Variants in TLE1 observed in about 807,000 individuals in gnomAD.
TLE1 encodes TLE family member 1, transcriptional corepressor.
In TLE1, 21 loss-of-function variants were observed where a neutral mutation model predicts 89.8. That is an observed-to-expected ratio of 0.23 (90% CI 0.17 to 0.34). The LOEUF is 0.34. TLE1 is among the 10% of genes least tolerant of loss of function. The pLI is 1.00. For missense variants in TLE1, 795 were observed against 1,031.2 expected (o/e 0.77, Z 3.14); for synonymous variants, 447 against 407.6 (o/e 1.10, Z -1.16).
intron 14 of TLE1, among the ~76,000 whole-genome samples, chr9:81,599,350 G>A (rs1830616173): frequency 6.6e-6 from 1 of 152,026 alleles, no homozygotes; most frequent in African/African-American, 2.4e-5. Flanking sequence ...TACCTGTGAC[G>A]TTATCCCCTC....
At chr9:81,614,331 A>T (rs980810779) in intron 11 of TLE1, among the ~76,000 whole-genome samples, 1 of 152,206 alleles carries the variant, frequency 6.6e-6, no homozygotes, top group African/African-American at 2.4e-5. Context: ...ATGCCTAAAA[A>T]GAACAACACT....
At chr9:81,630,797 T>C (rs1425217222) in intron 8 of TLE1, among the ~76,000 whole-genome samples, 1 of 152,220 alleles carries the variant, frequency 6.6e-6, no homozygotes, top group African/African-American at 2.4e-5. Flanking sequence ...ATAGTACACA[T>C]CATCTCATTA....
At chr9:81,683,797 C>A (rs558334890) in intron 4 of TLE1, among the ~76,000 whole-genome samples, 4 of 152,222 alleles carry the variant, frequency 2.6e-5, no homozygotes, top group Middle Eastern at 3.4e-3. Flanking sequence ...CATACAGGCT[C>A]ACGGACAGAC....
intron 2 of TLE1, 124 bp downstream of exon 2, chr9:81,687,210 A>T: frequency 1.4e-6 from 1 of 740,590 alleles, no homozygotes; most frequent in Non-Finnish European, 2.2e-6. Context: ...GACAGGTCTT[A>T]ACTGAGACTC....
chr9:81,610,591 A>C (rs767635585), intron 13 of TLE1, among the ~76,000 whole-genome samples: 5 of 152,142 alleles, frequency 3.3e-5, no homozygotes, highest in Non-Finnish European at 7.3e-5. Flanking sequence ...TTCACAGAGC[A>C]GTATGTTGTA....
At chr9:81,678,590 G>A (rs536805053) in intron 4 of TLE1, among the ~76,000 whole-genome samples, 1 of 152,024 alleles carries the variant, frequency 6.6e-6, no homozygotes, top group Non-Finnish European at 1.5e-5. Context: ...TGAGGCACGT[G>A]GCTCACTTGA....
At chr9:81,604,593 G>A (rs1017141662) in intron 14 of TLE1, among the ~76,000 whole-genome samples, 6 of 152,104 alleles carry the variant, frequency 3.9e-5, no homozygotes, top group Admixed American at 3.9e-4. Context: ...GCATTGTTCT[G>A]GGCAGCAGTG....
chr9:81,685,987 G>T, intron 2 of TLE1, 91 bp from the exon 3 acceptor site: 1 of 1,392,624 alleles, frequency 7.2e-7, no homozygotes, highest in South Asian at 1.2e-5. Context: ...TAAAAACACA[G>T]ACCAATTTGG....
chr9:81,672,764 G>A (rs1832389867), intron 4 of TLE1, among the ~76,000 whole-genome samples: 1 of 151,866 alleles, frequency 6.6e-6, no homozygotes, highest in Admixed American at 6.6e-5. Flanking sequence ...TGTTACATTC[G>A]AAAGAAAAAC....
intron 6 of TLE1, among the ~76,000 whole-genome samples, chr9:81,634,939 T>G (rs1827183818): frequency 6.6e-6 from 1 of 152,212 alleles, no homozygotes; most frequent in Non-Finnish European, 1.5e-5. Flanking sequence ...GGGTGTCTCA[T>G]GCACCACCCA....
chr9:81,689,140 C>T lies in TLE1; in HGVS notation c.-900G>A, dbSNP rs10867796. 0.19 allele frequency: 29,018 copies of T among 152,344 alleles called. 2,798 individuals carry two copies. Among genetic ancestry groups the T allele is most frequent in the African/African-American group, 0.21 (8,824 of 41,530 alleles). 9.4% of individuals were successfully genotyped at this position (152,344 alleles called of 1,614,324 possible). A position where few individuals can be genotyped will look rare whatever the true frequency, so the allele number is the denominator to read the frequency against. On this transcript the variant is annotated 5_prime_UTR_variant, in exon 1 of 20. Coordinates refer to ENST00000376499, the MANE Select transcript of TLE1 (RefSeq NM_005077.5). ...GGACCCTTCTTCCGAGCTCCTTCTTCCTCGGTCTTCTTTCTTTCCTTCCTT... is the reference window on the plus strand; with the variant it reads ...GGACCCTTCTTCCGAGCTCCTTCTTTCTCGGTCTTCTTTCTTTCCTTCCTT...
chr9:81,632,724 A>T (rs1826831623), intron 8 of TLE1, among the ~76,000 whole-genome samples: 1 of 151,996 alleles, frequency 6.6e-6, no homozygotes, highest in Admixed American at 6.6e-5. Flanking sequence ...AACTCTACGC[A>T]CACAGCCCTG....
At chr9:81,619,830 G>A (rs1305844560) in intron 9 of TLE1, among the ~76,000 whole-genome samples, 2 of 152,174 alleles carry the variant, frequency 1.3e-5, no homozygotes, top group Admixed American at 1.3e-4. Flanking sequence ...CCATCAACCA[G>A]TAGAGTGATC....
intron 9 of TLE1, among the ~76,000 whole-genome samples, chr9:81,620,158 A>G (rs1825050877): frequency 6.6e-6 from 1 of 152,204 alleles, no homozygotes. Flanking sequence ...GACTCCTAAC[A>G]AGAGCAGGGC....
chr9:81,623,774 A>G (rs566481614), intron 8 of TLE1, among the ~76,000 whole-genome samples: 1 of 152,272 alleles, frequency 6.6e-6, no homozygotes, highest in East Asian at 1.9e-4. Context: ...TGGGTGACAG[A>G]GTGAGACTCT....
chr9:81,677,265 T>C (rs1030292907), intron 4 of TLE1, among the ~76,000 whole-genome samples: 2 of 138,936 alleles, frequency 1.4e-5, no homozygotes, highest in African/African-American at 5.5e-5. Context: ...ACCTTACAAA[T>C]TTAAAAGTAA....
At chr9:81,587,610 A>T (rs1448930485) in intron 17 of TLE1, 71 bp downstream of exon 17, 1 of 1,496,266 alleles carries the variant, frequency 6.7e-7, no homozygotes, top group Non-Finnish European at 8.9e-7. Flanking sequence ...TAAAGGAGGG[A>T]GGGTTGTGAG....
chr9:81,679,304 CTTTT>C (rs56022025), intron 4 of TLE1, among the ~76,000 whole-genome samples: 1 of 151,542 alleles, frequency 6.6e-6, no homozygotes. Context: ...TTTTTCTTCA[CTTTT>C]TTTTCTTTTT....
chr9:81,687,833 C>A (rs1001035079), intron 1 of TLE1, among the ~76,000 whole-genome samples: 2 of 152,054 alleles, frequency 1.3e-5, no homozygotes, highest in African/African-American at 4.8e-5. Flanking sequence ...TTCCCAGAGT[C>A]GCCGGGGCCA....
Sources: allele counts gnomAD v4.1 joint callset (sites outside exome capture counted in the v4.1 genomes callset), GRCh38; gene constraint gnomAD v4.1.1; transcripts MANE v1.5; gene names NCBI Gene and HGNC (gene_info 2026-07-23, HGNC 2026-07-21).